Variants in IGSF21 observed in about 807,000 individuals in gnomAD.
The protein encoded by IGSF21 is immunoglobin superfamily member 21.
In IGSF21, 28 loss-of-function variants were observed where a neutral mutation model predicts 46.8. The observed-to-expected ratio is 0.60, with a 90% CI of 0.44 to 0.82. The LOEUF is 0.82. IGSF21 is among the 40% of genes least tolerant of loss of function. The pLI, the probability that IGSF21 is intolerant of heterozygous loss-of-function variation, is 0.00. For synonymous variants in IGSF21, 284 were observed against 273.6 expected, an observed-to-expected ratio of 1.04 and a Z score of -0.38; for missense variants, 624 against 665.5, an observed-to-expected ratio of 0.94 and a Z score of 0.69.
chr1:18,162,838 C>A (rs918643813), intron 1 of IGSF21, among the ~76,000 whole-genome samples: 1 of 152,102 alleles, frequency 6.6e-6, no homozygotes, highest in African/African-American at 2.4e-5. Context: ...ACCCTCTAAA[C>A]CAGGCCAAAA....
chr1:18,234,858 T>G (rs1275691265), intron 2 of IGSF21, among the ~76,000 whole-genome samples: 1 of 151,920 alleles, frequency 6.6e-6, no homozygotes, highest in Non-Finnish European at 1.5e-5. Flanking sequence ...CAAGGAAAAC[T>G]CCACCCCTAA....
intron 1 of IGSF21, among the ~76,000 whole-genome samples, chr1:18,120,962 T>C (rs2086229159): frequency 6.6e-6 from 1 of 152,200 alleles, no homozygotes; most frequent in Non-Finnish European, 1.5e-5. Context: ...TACCTATTCG[T>C]CATTCCCCAG....
chr1:18,115,940 T>G (rs2086186985), intron 1 of IGSF21: 1 of 151,342 alleles, frequency 6.6e-6, no homozygotes. Flanking sequence ...GAGCAAGCAT[T>G]CACCGAGCAG....
chr1:18,198,068 C>G (rs2087027117), intron 1 of IGSF21, among the ~76,000 whole-genome samples: 1 of 152,226 alleles, frequency 6.6e-6, no homozygotes, highest in Admixed American at 6.5e-5. Context: ...TTCTCTGGCT[C>G]TTTGCAGAAA....
intron 2 of IGSF21, among the ~76,000 whole-genome samples, chr1:18,253,260 G>T (rs1433273876): frequency 6.6e-6 from 1 of 152,140 alleles, no homozygotes; most frequent in East Asian, 1.9e-4. Flanking sequence ...GGCCAGGGGG[G>T]GCCTCAGCAA....
chr1:18,204,247 G>A (rs894814498), intron 1 of IGSF21, among the ~76,000 whole-genome samples: 2 of 152,202 alleles, frequency 1.3e-5, no homozygotes, highest in African/African-American at 4.8e-5. Context: ...GCCTTAGAAC[G>A]ATGCAGTCAT....
At chr1:18,142,873 C>A (rs1284306271) in intron 1 of IGSF21, among the ~76,000 whole-genome samples, 2 of 152,210 alleles carry the variant, frequency 1.3e-5, no homozygotes, top group Non-Finnish European at 1.5e-5. Flanking sequence ...CGGCCTGTGG[C>A]CTGGGCAGCC....
Position 18,140,394 on chromosome 1 carries a change from G to A in IGSF21, c.70+32196G>A, listed in dbSNP as rs187362426. On this transcript the variant is annotated intron_variant, in intron 1 of 9. Coordinates refer to ENST00000251296, the MANE Select transcript of IGSF21 (RefSeq NM_032880.5). ...ACTGATGTTTCCTGGGTCACTTCCC[G>A]AATAAGCTACCTGCATCTGAATTAT... Among the ~76,000 whole-genome samples, 35 of 152,216 alleles carry A rather than the reference G, an allele frequency of 2.3e-4. No homozygotes were observed. In the East Asian group the frequency reaches 4.5e-3, roughly 19 times the overall value.
rs1156309261 is a variant in IGSF21 at position 18,290,607 on chromosome 1, C to T, written c.184-1259C>T. On this transcript the variant is annotated intron_variant, in intron 2 of 9. Transcript: ENST00000251296. This position sits in a 1 kb window ranked among gnomAD's most constrained non-coding sequence, Gnocchi z 4.2. ...AGTGCTGGCCAGATGCACGGAGTCT[C>T]TCCTAAACCAGTAGCAACACCACCT... is the stretch of plus-strand genomic sequence containing the variant. Among the ~76,000 whole-genome samples, 1 of 152,186 alleles carries T rather than the reference C, an allele frequency of 6.6e-6. No individual in the cohort carries two copies. The highest frequency in any genetic ancestry group is 6.5e-5 in the Admixed American group (1 of 15,276).
At chr1:18,328,834 C>G (rs185170371) in intron 3 of IGSF21, among the ~76,000 whole-genome samples, 20 of 152,254 alleles carry the variant, frequency 1.3e-4, no homozygotes, top group Non-Finnish European at 2.6e-4. Context: ...TAGGATTCTT[C>G]CCAGTGGAAA....
chr1:18,179,792 A>C (rs1472486763), intron 1 of IGSF21, among the ~76,000 whole-genome samples: 1 of 152,186 alleles, frequency 6.6e-6, no homozygotes, highest in East Asian at 1.9e-4. Flanking sequence ...TCCAGATCAC[A>C]GATTGAAATT....
chr1:18,365,675 C>T lies in IGSF21; in HGVS notation c.993C>T (p.Pro331=). The T allele has an allele frequency of 6.2e-7, 1 of 1,613,324 alleles. No homozygotes were observed. Among genetic ancestry groups the T allele is most frequent in the Admixed American group, 1.7e-5 (1 of 59,998 alleles). The stretch of plus-strand genomic sequence containing the variant: ...TCAAGCACCCAGCTCTGTCGATGCC[C>T]ATGCAGGCAGAGGTCACGCTGGGTA... ...CEVKHPALSM[P]MQAEVTLVAP... The change falls in exon 6 of 10, where the codon CCC becomes CCT. Residue 331 remains proline (P), a synonymous_variant. Transcript: ENST00000251296. The surrounding 1 kb of genome is among the most constrained non-coding windows in gnomAD (Gnocchi z 4.8).
At chr1:18,182,405 C>T (rs1190756891) in intron 1 of IGSF21, among the ~76,000 whole-genome samples, 1 of 152,090 alleles carries the variant, frequency 6.6e-6, no homozygotes, top group African/African-American at 2.4e-5. Flanking sequence ...TCTTGAACTC[C>T]TAACCTCAGG....
At chr1:18,212,288 G>T (rs922734570) in intron 1 of IGSF21, among the ~76,000 whole-genome samples, 1 of 152,222 alleles carries the variant, frequency 6.6e-6, no homozygotes, top group Non-Finnish European at 1.5e-5. Flanking sequence ...ACTTATTCAG[G>T]GTTGCAAGGC....
At chr1:18,364,247 G>T (rs2086134840) in intron 5 of IGSF21, among the ~76,000 whole-genome samples, 2 of 152,018 alleles carry the variant, frequency 1.3e-5, no homozygotes, top group South Asian at 4.2e-4. Context: ...TTACAAACCT[G>T]CATTTAAAGC....
At chr1:18,340,759 T>C (rs530742816) in intron 4 of IGSF21, among the ~76,000 whole-genome samples, 1 of 152,248 alleles carries the variant, frequency 6.6e-6, no homozygotes, top group African/African-American at 2.4e-5. Flanking sequence ...CTGGTGTTGC[T>C]GGCAATCCTT....
rs1032550046 is a variant in IGSF21 at position 18,109,857 on chromosome 1, G to A, written c.70+1659G>A. The A allele has an allele frequency of 6.6e-6, 1 of 152,508 alleles. No homozygotes were observed. The highest frequency in any genetic ancestry group is 2.4e-5 in the African/African-American group (1 of 41,426). The allele number at this position is 152,508 out of a possible 1,614,324, so 9.4% of individuals were successfully genotyped here. A position where few individuals can be genotyped will look rare whatever the true frequency, so the allele number is the denominator to read the frequency against. On this transcript the variant is annotated intron_variant, in intron 1 of 9. Transcript: ENST00000251296. The surrounding 1 kb of genome is among the most constrained non-coding windows in gnomAD (Gnocchi z 4.8). ...CCCTCACCTGGACATTGCAGGGGGCGGGGGTTGGAGGCTGGGGACCTAAGG... is the reference window on the plus strand; with the variant it reads ...CCCTCACCTGGACATTGCAGGGGGCAGGGGTTGGAGGCTGGGGACCTAAGG...
In IGSF21 at chr1:18,365,522, C is replaced by G; in HGVS notation, c.840C>G (p.Ser280Arg). The G allele has an allele frequency of 6.2e-7, 1 of 1,614,116 alleles. No individual in the cohort carries two copies. Among genetic ancestry groups the G allele is most frequent in the South Asian group, 1.1e-5 (1 of 91,074 alleles). Residue 280 changes from serine (S) to arginine (R), a missense_variant, in exon 6 of 10, where the codon AGC becomes AGG. Transcript: ENST00000251296. The surrounding 1 kb of genome is among the most constrained non-coding windows in gnomAD (Gnocchi z 4.8). ...VSREFPRWVH[S>R]AEPTYFLRHS... ...GTGAGTTTCCCCGCTGGGTCCACAGCGCCGAGCCCACCTACTTCCTGCGCC... is the reference window on the plus strand; with the variant it reads ...GTGAGTTTCCCCGCTGGGTCCACAGGGCCGAGCCCACCTACTTCCTGCGCC...
intron 4 of IGSF21, among the ~76,000 whole-genome samples, chr1:18,343,706 T>TC (rs1221051787): frequency 6.6e-6 from 1 of 152,222 alleles, no homozygotes; most frequent in Non-Finnish European, 1.5e-5. Context: ...CACTATTCTA[T>TC]CCCCATTGAA....
Sources: gnomAD v4.1 joint callset for allele counts (sites outside exome capture counted in the v4.1 genomes callset) on GRCh38, gnomAD v4.1.1 for gene constraint, Gnocchi (gnomAD v3.1) non-coding constraint, MANE v1.5 for transcripts, NCBI Gene and HGNC (gene_info 2026-07-23, HGNC 2026-07-21) for gene names.